The following ZNF704 variants were observed in gnomAD, a reference collection of about 807,000 sequenced individuals.
ZNF704 encodes the protein glucocorticoid induced gene 1.
ZNF704 carries 10 observed loss-of-function variants against 44.7 expected under a neutral mutation model. That is an observed-to-expected ratio of 0.22 (90% CI 0.14 to 0.38). ZNF704 has a LOEUF of 0.38. Among genes scored for constraint, ZNF704 ranks in the 10% least tolerant of loss-of-function variants. ZNF704 has a pLI of 1.00. For synonymous variants in ZNF704, 211 were observed against 207.6 expected, an observed-to-expected ratio of 1.02 and a Z score of -0.14; for missense variants, 390 against 545.5, an observed-to-expected ratio of 0.71 and a Z score of 2.84.
At chr8:80,821,299 T>C in intron 2 of ZNF704, 75 bp downstream of exon 2, 1 of 1,430,154 alleles carries the variant, frequency 7.0e-7, no homozygotes, top group South Asian at 1.2e-5. Context: ...AGAGAGTCTG[T>C]ACACTGGCAG....
intron 2 of ZNF704, among the ~76,000 whole-genome samples, chr8:80,773,332 C>T (rs1807356487): frequency 6.6e-6 from 1 of 152,136 alleles, no homozygotes. Context: ...ATTATATGTA[C>T]ATAACTTGTC....
chr8:80,825,597 C>T (rs982371470), intron 1 of ZNF704, among the ~76,000 whole-genome samples: 5 of 152,220 alleles, frequency 3.3e-5, no homozygotes, highest in African/African-American at 1.2e-4. Context: ...CTACAGAACT[C>T]TCCACCCCAA....
upstream of ZNF704, among the ~76,000 whole-genome samples, chr8:80,878,733 A>G (rs1050279355): frequency 3.3e-5 from 5 of 152,230 alleles, no homozygotes; most frequent in African/African-American, 1.2e-4. Flanking sequence ...CCACCCAGAT[A>G]AATGTTTCTT....
intron 2 of ZNF704, among the ~76,000 whole-genome samples, chr8:80,809,770 T>C (rs1345002474): frequency 1.3e-5 from 2 of 152,232 alleles, no homozygotes; most frequent in Admixed American, 1.3e-4. Context: ...GTTCATTTGA[T>C]TTTTGCTCAA....
At chr8:80,744,645 C>A (rs1330615584) in intron 2 of ZNF704, among the ~76,000 whole-genome samples, 1 of 152,180 alleles carries the variant, frequency 6.6e-6, no homozygotes, top group Non-Finnish European at 1.5e-5. Context: ...CACAAGGGCA[C>A]TCAACTGGCA....
intron 5 of ZNF704, among the ~76,000 whole-genome samples, chr8:80,668,650 T>G (rs998289866): frequency 4.6e-5 from 7 of 152,162 alleles, no homozygotes. Flanking sequence ...CAGCCCCTGG[T>G]GTACAAGAAT....
At chr8:80,717,464 C>CA (rs1243654646) in intron 2 of ZNF704, among the ~76,000 whole-genome samples, 1 of 152,218 alleles carries the variant, frequency 6.6e-6, no homozygotes, top group African/African-American at 2.4e-5. Context: ...TTCCGTAACT[C>CA]AATTTTCTCA....
intron 2 of ZNF704, among the ~76,000 whole-genome samples, chr8:80,759,145 A>C (rs1443692833): frequency 6.6e-6 from 1 of 152,226 alleles, no homozygotes; most frequent in African/African-American, 2.4e-5. Context: ...AGGAGTAGAA[A>C]CATGAGCACA....
intron 1 of ZNF704, among the ~76,000 whole-genome samples, chr8:80,835,652 A>G (rs2129943661): frequency 6.6e-6 from 1 of 152,340 alleles, no homozygotes; most frequent in East Asian, 1.9e-4. Context: ...GCTAAGGAAC[A>G]AAAGGAAAAG....
At chr8:80,657,833 T>C (rs1818040608) in intron 7 of ZNF704, among the ~76,000 whole-genome samples, 2 of 152,186 alleles carry the variant, frequency 1.3e-5, no homozygotes, top group African/African-American at 4.8e-5. Flanking sequence ...ATATATACTT[T>C]CTGTCAAAGC....
At chr8:80,750,368 G>A (rs887873213) in intron 2 of ZNF704, among the ~76,000 whole-genome samples, 1 of 139,500 alleles carries the variant, frequency 7.2e-6, no homozygotes, top group Non-Finnish European at 1.6e-5. Flanking sequence ...AAAAAAAAAA[G>A]GAGAAATTAA....
intron 2 of ZNF704, among the ~76,000 whole-genome samples, chr8:80,747,732 T>G (rs761796429): frequency 2.4e-4 from 37 of 152,230 alleles, no homozygotes; most frequent in Non-Finnish European, 5.0e-4. Context: ...TTGTTTGTTT[T>G]TTTGAGACGG....
chr8:80,727,096 A>G (rs544283758), intron 2 of ZNF704, among the ~76,000 whole-genome samples: 3 of 152,352 alleles, frequency 2.0e-5, no homozygotes, highest in African/African-American at 7.2e-5. Context: ...GATAGTACAT[A>G]TATCTGTGTT....
At chr8:80,643,516 CAAAAAAAAAAAAA>C (rs1174433192) in intron 7 of ZNF704, among the ~76,000 whole-genome samples, 2 of 23,384 alleles carry the variant, frequency 8.6e-5, no homozygotes, top group South Asian at 2.0e-3. Context: ...GATCCTGTCT[CAAAAAAAAAAAAA>C]AAAAAAAAAA....
Position 80,641,358 on chromosome 8 carries a change from G to T in ZNF704, c.*8C>A, listed in dbSNP as rs755947140. On this transcript the variant is annotated 3_prime_UTR_variant, in exon 9 of 9. Coordinates refer to ENST00000327835, the MANE Select transcript of ZNF704 (RefSeq NM_001033723.3). ...TCAGGGCCCTGAGCCCCTCTGCCTG[G>T]GGGTCTCTCAGTCGAGGAACCTCTG... 6.2e-7 allele frequency: 1 copy of T among 1,603,762 alleles called. No homozygotes were observed. The highest frequency in any genetic ancestry group is 8.5e-7 in the Non-Finnish European group (1 of 1,173,346).
intron 2 of ZNF704, among the ~76,000 whole-genome samples, chr8:80,801,281 TA>T (rs1483657526): frequency 1.1e-4 from 16 of 152,138 alleles, no homozygotes; most frequent in Admixed American, 1.0e-3. Context: ...TTAACAAAGA[TA>T]TTCAGGACTT....
In ZNF704 at chr8:80,793,982, C is replaced by T. The variant is rs184911474; in HGVS notation, c.221+27392G>A. ...GTACAAATAGGGGGATGAAAGAATT[C>T]CAAATAACATGGCAAAGACATCATA... On this transcript the variant is annotated intron_variant, in intron 2 of 8. Coordinates refer to ENST00000327835, the MANE Select transcript of ZNF704 (RefSeq NM_001033723.3). Among the ~76,000 whole-genome samples, 186 of 152,204 alleles carry T rather than the reference C, an allele frequency of 1.2e-3. 2 individuals are homozygous for T. The highest frequency in any genetic ancestry group is 4.4e-3 in the African/African-American group (183 of 41,540).
At chr8:80,650,809 C>T (rs1417242799) in intron 7 of ZNF704, among the ~76,000 whole-genome samples, 2 of 152,140 alleles carry the variant, frequency 1.3e-5, no homozygotes, top group African/African-American at 4.8e-5. Flanking sequence ...TCAGGAAATA[C>T]AGAGAATGCC....
At chr8:80,709,889 G>A (rs974194459) in intron 2 of ZNF704, among the ~76,000 whole-genome samples, 2 of 152,184 alleles carry the variant, frequency 1.3e-5, no homozygotes, top group African/African-American at 4.8e-5. Flanking sequence ...AGCTTCGCTT[G>A]TAAGATATCA....
Sources: gnomAD v4.1 joint callset for allele counts (sites outside exome capture counted in the v4.1 genomes callset) on GRCh38, gnomAD v4.1.1 for gene constraint, MANE v1.5 for transcripts, NCBI Gene and HGNC (gene_info 2026-07-23, HGNC 2026-07-21) for gene names.